Variants in GOLPH3L observed in about 807,000 individuals in gnomAD.
GOLPH3L encodes the protein Golgi phosphoprotein 3-like.
In GOLPH3L, 22 loss-of-function variants were observed where a neutral mutation model predicts 30.3. The ratio of observed to expected loss-of-function variants is 0.73; its 90% CI spans 0.52 to 1.04. GOLPH3L has a LOEUF of 1.04. Among genes scored for constraint, GOLPH3L ranks in the 50% least tolerant of loss-of-function variants. GOLPH3L has a pLI of 0.00. For synonymous variants in GOLPH3L, 120 were observed against 128.2 expected (o/e 0.94, Z 0.43); for missense variants, 303 against 345.8 (o/e 0.88, Z 0.98).
chr1:150,655,028 G>A (rs766015726), intron 4 of GOLPH3L, among the ~76,000 whole-genome samples: 1 of 152,184 alleles, frequency 6.6e-6, no homozygotes, highest in Non-Finnish European at 1.5e-5. Flanking sequence ...TGATTGTACC[G>A]TATGTGGAAA....
intron 2 of GOLPH3L, among the ~76,000 whole-genome samples, chr1:150,693,111 G>T (rs1024451260): frequency 2.6e-5 from 4 of 152,164 alleles, no homozygotes; most frequent in African/African-American, 9.7e-5. Context: ...TTCCGGGCAA[G>T]AATTTCTGAT....
At chr1:150,683,772 G>GA (rs985261909) in intron 2 of GOLPH3L, among the ~76,000 whole-genome samples, 3 of 137,300 alleles carry the variant, frequency 2.2e-5, no homozygotes, top group African/African-American at 5.5e-5. Flanking sequence ...TTGAGCTGGA[G>GA]AAAAAAAATC....
At chr1:150,655,674 T>C (rs1650222153) in intron 4 of GOLPH3L, among the ~76,000 whole-genome samples, 1 of 152,110 alleles carries the variant, frequency 6.6e-6, no homozygotes, top group Non-Finnish European at 1.5e-5. Context: ...AAAGAGAAAC[T>C]AGAGGCTTTA....
chr1:150,689,802 AT>A (rs922576843), intron 2 of GOLPH3L, among the ~76,000 whole-genome samples: 4 of 149,178 alleles, frequency 2.7e-5, no homozygotes, highest in East Asian at 2.0e-4. Flanking sequence ...CACCCAGCTA[AT>A]TTTTTTTTTC....
At chr1:150,661,303 C>T (rs1650362862) in intron 4 of GOLPH3L, among the ~76,000 whole-genome samples, 2 of 152,114 alleles carry the variant, frequency 1.3e-5, no homozygotes, top group Admixed American at 1.3e-4. Context: ...TTACATATGA[C>T]CCAGTTATCT....
At chr1:150,687,930 A>G (rs1225015551) in intron 2 of GOLPH3L, among the ~76,000 whole-genome samples, 2 of 152,250 alleles carry the variant, frequency 1.3e-5, no homozygotes, top group Non-Finnish European at 2.9e-5. Flanking sequence ...GATGAACTGG[A>G]TTAAACTATA....
intron 2 of GOLPH3L, chr1:150,694,257 T>C: frequency 3.0e-6 from 1 of 333,172 alleles, no homozygotes. Flanking sequence ...AGGCAACTAA[T>C]CACACATGTT....
intron 3 of GOLPH3L, 28 bp from the exon 4 acceptor site, chr1:150,661,956 C>A: frequency 2.0e-5 from 18 of 920,160 alleles, no homozygotes; most frequent in Non-Finnish European, 3.1e-5. Context: ...AGAAGGAACC[C>A]TGATTCCTTC....
chr1:150,681,903 CT>C (rs1157272098), intron 2 of GOLPH3L, among the ~76,000 whole-genome samples: 1 of 151,796 alleles, frequency 6.6e-6, no homozygotes, highest in Admixed American at 6.6e-5. Flanking sequence ...CCTGTCTCTA[CT>C]AAAAATACAA....
intron 2 of GOLPH3L, among the ~76,000 whole-genome samples, chr1:150,674,268 T>A (rs1026666761): frequency 6.6e-6 from 1 of 151,954 alleles, no homozygotes; most frequent in Non-Finnish European, 1.5e-5. Flanking sequence ...GAGAATTTTT[T>A]TTTTTTTTTT....
At chr1:150,682,081 T>C (rs1166297282) in intron 2 of GOLPH3L, among the ~76,000 whole-genome samples, 2 of 151,264 alleles carry the variant, frequency 1.3e-5, no homozygotes, top group African/African-American at 4.9e-5. Flanking sequence ...AAAAAAATGA[T>C]GCATCTGTGT....
intron 2 of GOLPH3L, among the ~76,000 whole-genome samples, chr1:150,669,667 A>G (rs1412360383): frequency 1.3e-5 from 2 of 152,186 alleles, no homozygotes; most frequent in African/African-American, 4.8e-5. Context: ...GTGGACTTTA[A>G]TATACATCTG....
chr1:150,660,468 A>G (rs1406891490), intron 4 of GOLPH3L, among the ~76,000 whole-genome samples: 1 of 152,244 alleles, frequency 6.6e-6, no homozygotes, highest in Non-Finnish European at 1.5e-5. Flanking sequence ...GAACTTGAAC[A>G]GATATTTGTG....
At chr1:150,685,874 C>CTTTTTT (rs35375244) in intron 2 of GOLPH3L, among the ~76,000 whole-genome samples, 1 of 121,042 alleles carries the variant, frequency 8.3e-6, no homozygotes, top group Non-Finnish European at 1.7e-5. Flanking sequence ...GTAAGTATGT[C>CTTTTTT]TTTTTTTTTT....
intron 2 of GOLPH3L, among the ~76,000 whole-genome samples, chr1:150,666,963 C>T (rs1650522558): frequency 6.6e-6 from 1 of 152,028 alleles, no homozygotes; most frequent in Admixed American, 6.6e-5. Flanking sequence ...TGTGAATTTA[C>T]GAGATTCTGG....
chr1:150,661,170 G>A (rs587684142), intron 4 of GOLPH3L, among the ~76,000 whole-genome samples: 1 of 152,316 alleles, frequency 6.6e-6, no homozygotes, highest in Non-Finnish European at 1.5e-5. Context: ...AGAGGTTGCA[G>A]TGAGCTGAGA....
intron 4 of GOLPH3L, among the ~76,000 whole-genome samples, chr1:150,661,167 G>C (rs1238136129): frequency 1.3e-5 from 2 of 152,180 alleles, no homozygotes; most frequent in Non-Finnish European, 2.9e-5. Flanking sequence ...GGCAGAGGTT[G>C]CAGTGAGCTG....
chr1:150,679,166 T>G (rs1387269779), intron 2 of GOLPH3L, among the ~76,000 whole-genome samples: 1 of 152,124 alleles, frequency 6.6e-6, no homozygotes, highest in Non-Finnish European at 1.5e-5. Context: ...AAAAGGGTGA[T>G]AGTGCTGAGA....
intron 2 of GOLPH3L, among the ~76,000 whole-genome samples, chr1:150,669,457 A>T (rs1412508586): frequency 6.6e-6 from 1 of 152,228 alleles, no homozygotes; most frequent in Non-Finnish European, 1.5e-5. Context: ...AAGATTCTAT[A>T]TTAAATGGCC....
Sources: allele counts gnomAD v4.1 joint callset (sites outside exome capture counted in the v4.1 genomes callset), GRCh38; gene constraint gnomAD v4.1.1; transcripts MANE v1.5; gene names NCBI Gene and HGNC (gene_info 2026-07-23, HGNC 2026-07-21).